MED23: variants seen among roughly 807,000 people sequenced by gnomAD.
MED23 encodes mediator complex subunit 23, also known as mediator of RNA polymerase II transcription subunit 23.
A neutral mutation model predicts 163.9 loss-of-function variants in MED23; 105 were observed. The ratio of observed to expected loss-of-function variants is 0.64; its 90% confidence interval spans 0.55 to 0.75. MED23 has a LOEUF of 0.75. MED23 is among the 30% of genes least tolerant of loss of function. The pLI is 0.00. For missense variants in MED23, 1,054 were observed against 1,649.0 expected (o/e 0.64, Z 6.25); for synonymous variants, 561 against 565.6 (o/e 0.99, Z 0.12).
chr6:131,575,297 G>C lies in MED23; in HGVS notation c.4096-1002C>G, dbSNP rs114361028. Among the ~76,000 whole-genome samples, 627 of 152,154 alleles carry C rather than the reference G, an allele frequency of 4.1e-3. 2 individuals are homozygous for C. Among genetic ancestry groups the C allele is most frequent in the South Asian group, 0.018 (85 of 4,816 alleles). ...TGTCAGCTCTACACTACAAAATATA[G>C]TGCCCCACATGTAAAGCAAGCTGGA... On this transcript the variant is annotated intron_variant, in intron 30 of 30. Transcript: ENST00000354577.
chr6:131,620,897 G>A (rs186986844), intron 6 of MED23, among the ~76,000 whole-genome samples, 168 bp from the exon 7 acceptor site: 2 of 151,794 alleles, frequency 1.3e-5, no homozygotes, highest in South Asian at 2.1e-4. Context: ...CAACCTCTGG[G>A]GCTCCAGTGG....
rs1467351855 is a variant in MED23 at position 131,623,415 on chromosome 6, C to G, written c.332G>C (p.Arg111Thr). 1 of 1,614,032 alleles carries G rather than the reference C, an allele frequency of 6.2e-7. No individual in the cohort carries two copies. Among genetic ancestry groups the G allele is most frequent in the East Asian group, 2.2e-5 (1 of 44,898 alleles). Reference protein sequence around the residue: ...LINSDTLEWERTQLWALTFKL... With the variant: ...LINSDTLEWETTQLWALTFKL... ...AAATGTTAAGGCCCAAAGCTGTGTT[C>G]TTTCCCACTCAAGAGTGTCAGAGTT... is the stretch of plus-strand genomic sequence containing the variant. Residue 111 changes from arginine to threonine, a missense_variant, in exon 5 of 29, where the codon AGA becomes ACA. Arg to Thr is a moderately conservative substitution (Grantham distance 71). Transcript: ENST00000368068.
At chr6:131,626,303 C>A (rs1045232478) in intron 3 of MED23, among the ~76,000 whole-genome samples, 1 of 151,458 alleles carries the variant, frequency 6.6e-6, no homozygotes, top group Non-Finnish European at 1.5e-5. Context: ...TAATATTATT[C>A]ATCACAGCAT....
In MED23 at chr6:131,589,450, A is replaced by C; in HGVS notation, c.3939+15T>G. ...ATTAAACATCATTAAAAATAATTAAACAAATTCAACTTACTTGCTCTTTCA... is the reference window on the plus strand; with the variant it reads ...ATTAAACATCATTAAAAATAATTAACCAAATTCAACTTACTTGCTCTTTCA... On this transcript the variant is annotated intron_variant, in intron 28 of 28. Transcript: ENST00000368068. The C allele has an allele frequency of 6.2e-7, 1 of 1,606,346 alleles. No individual in the cohort carries two copies. The highest frequency in any genetic ancestry group is 8.5e-7 in the Non-Finnish European group (1 of 1,175,284).
Position 131,628,122 on chromosome 6 carries a change from G to C in MED23, c.-73C>G. 1.3e-6 allele frequency: 2 copies of C among 1,557,230 alleles called. No individual in the cohort carries two copies. The highest frequency in any genetic ancestry group is 8.8e-7 in the Non-Finnish European group (1 of 1,131,200). Reference sequence around the variant, plus strand: ...CAGACTCGAGCTCTGGGAATATAGGGGCAGAGGGGCGGAGACCTCTGGAGG... The same window carrying C: ...CAGACTCGAGCTCTGGGAATATAGGCGCAGAGGGGCGGAGACCTCTGGAGG... On this transcript the variant is annotated 5_prime_UTR_variant, in exon 1 of 29. Coordinates refer to ENST00000368068, the MANE Select transcript of MED23 (RefSeq NM_004830.4).
At chr6:131,576,008 C>T (rs185743161) in intron 30 of MED23, among the ~76,000 whole-genome samples, 62 of 152,306 alleles carry the variant, frequency 4.1e-4, no homozygotes, top group African/African-American at 1.3e-3. Context: ...CACACTCTTT[C>T]GATGCTTTTG....
In MED23 at chr6:131,586,998, G is replaced by C. The variant is rs954860532; in HGVS notation, c.*681C>G. The C allele has an allele frequency of 4.8e-6, 7 of 1,460,828 alleles. No individual in the cohort carries two copies. The African/African-American group carries it at 1.0e-4, about 21-fold the overall frequency. 90.5% of individuals were successfully genotyped at this position (1,460,828 alleles called of 1,614,324 possible). ...ATTGGAGAATCAACCATTTAAGCAT[G>C]ATTTTAAGTTCAAGAATTTTCAGAT... On this transcript the variant is annotated 3_prime_UTR_variant, in exon 29 of 29. Coordinates refer to ENST00000368068, the MANE Select transcript of MED23 (RefSeq NM_004830.4).
Position 131,624,779 on chromosome 6 carries a change from A to G in MED23, c.284+86T>C. On this transcript the variant is annotated intron_variant, in intron 4 of 28. Transcript: ENST00000368068. ...ACCTCACCTTCTTCTTCATTCTCTT[A>G]CCTTTTTACAACAACAACCTCAACC... The G allele has an allele frequency of 5.5e-6, 8 of 1,441,558 alleles. No homozygotes were observed. The South Asian group carries it at 9.2e-5, about 17-fold the overall frequency. The allele number at this position is 1,441,558 out of a possible 1,614,324, so 89.3% of individuals were successfully genotyped here.
rs1268381118 is a variant in MED23, at chr6:131,604,398, CTT to C, written c.1614-80_1614-79del. On this transcript the variant is annotated intron_variant, in intron 14 of 28. Transcript: ENST00000368068. ...TAGGGGCTACTCTACTTAGAAGTAA[CTT>C]AGTATAAATCTGAACTTAAATGATT... The C allele has an allele frequency of 5.6e-6, 8 of 1,437,954 alleles. No individual in the cohort carries two copies. In the East Asian group the frequency reaches 1.7e-4, roughly 30 times the overall value. The allele number at this position is 1,437,954 out of a possible 1,614,324, so 89.1% of individuals were successfully genotyped here. A position where few individuals can be genotyped will look rare whatever the true frequency, so the allele number is the denominator to read the frequency against.
At chr6:131,626,796 G>A (rs997614004) in intron 3 of MED23, among the ~76,000 whole-genome samples, 4 of 152,190 alleles carry the variant, frequency 2.6e-5, no homozygotes, top group Admixed American at 6.5e-5. Context: ...TGGCTGACAC[G>A]CAAACAGTTC....
downstream of MED23, among the ~76,000 whole-genome samples, chr6:131,586,326 G>A (rs1308860990): frequency 2.0e-5 from 3 of 152,022 alleles, no homozygotes; most frequent in Admixed American, 1.3e-4. Context: ...CGTGAACCCG[G>A]GAGGTGGAGC....
At chr6:131,628,277 G>A (rs1476718209), upstream of MED23, 3 of 563,102 alleles carry the variant, frequency 5.3e-6, no homozygotes, top group Non-Finnish European at 3.2e-6. Context: ...TGCAAACCCC[G>A]CAGAAACCAG....
In MED23 at chr6:131,605,360, G is replaced by A. The variant is rs1480286524; in HGVS notation, c.1493C>T (p.Thr498Ile). 5.0e-6 allele frequency: 8 copies of A among 1,613,358 alleles called. No homozygotes were observed. The highest frequency in any genetic ancestry group is 6.8e-6 in the Non-Finnish European group (8 of 1,179,708). The change falls in exon 14 of 29, where the codon ACT becomes ATT. Residue 498 changes from threonine to isoleucine, a missense_variant. Around this residue, in one of 11 missense-constraint regions of MED23, gnomAD observed 54 missense variants for 89.8 expected, o/e 0.60. Transcript: ENST00000368068. The part of the protein sequence containing the change: ...FTLPMGALVE[T>I]IYGNGIMRIP... ...CCTCATAATTCCATTTCCATAAATA[G>A]TTTCTACCAGAGCTCCCATGGGTAA...
intron 10 of MED23, 45 bp downstream of exon 10, chr6:131,615,862 C>T (rs1776652573): frequency 7.3e-6 from 10 of 1,376,014 alleles, no homozygotes; most frequent in Non-Finnish European, 1.0e-5. Context: ...AAGAATAGTG[C>T]AGATTCTATG....
downstream of MED23, chr6:131,583,197 T>C (rs1211050738): frequency 6.2e-7 from 1 of 1,602,690 alleles, no homozygotes; most frequent in Admixed American, 1.7e-5. Flanking sequence ...CACATGTGTG[T>C]GCAACAGAAA....
chr6:131,603,743 G>T (rs1775657284), intron 15 of MED23, among the ~76,000 whole-genome samples: 1 of 148,030 alleles, frequency 6.8e-6, no homozygotes, highest in Admixed American at 6.7e-5. Context: ...TATTATTTTA[G>T]AACTATATAA....
At chr6:131,596,210 A>C (rs777040560) in intron 21 of MED23, 47 bp from the exon 22 acceptor site, 1 of 1,541,626 alleles carries the variant, frequency 6.5e-7, no homozygotes, top group South Asian at 1.1e-5. Context: ...TTTTTAAAAA[A>C]TTCTCTTAAA....
chr6:131,613,706 T>A (rs1359000279), intron 10 of MED23, among the ~76,000 whole-genome samples: 1 of 152,234 alleles, frequency 6.6e-6, no homozygotes, highest in Non-Finnish European at 1.5e-5. Flanking sequence ...ATGTTTACAC[T>A]ACAGTGGTAC....
At chr6:131,619,653 C>T (rs765447752) in intron 8 of MED23, among the ~76,000 whole-genome samples, 174 bp downstream of exon 8, 3 of 152,102 alleles carry the variant, frequency 2.0e-5, no homozygotes, top group African/African-American at 4.8e-5. Context: ...CCTCCCTGTA[C>T]TTGGCACACA....
Sources: allele counts gnomAD v4.1 joint callset (sites outside exome capture counted in the v4.1 genomes callset), GRCh38; gene constraint gnomAD v4.1.1; regional missense constraint gnomAD v4.1.1; transcripts MANE v1.5; gene names NCBI Gene and HGNC (gene_info 2026-07-23, HGNC 2026-07-21).